C10orf90: variants seen among roughly 807,000 people sequenced by gnomAD.
The protein encoded by C10orf90 is chromosome 10 open reading frame 90.
C10orf90 carries 56 observed loss-of-function variants against 62.5 expected under a neutral mutation model. That is an observed-to-expected ratio of 0.90 (90% CI 0.72 to 1.12). The LOEUF (loss-of-function observed/expected upper bound fraction) is 1.12. C10orf90 is among the 50% of genes most tolerant of loss of function. The probability of loss-of-function intolerance (pLI) is 0.00; values close to 1 mark genes in which losing one functional copy is unlikely to be tolerated. For missense variants in C10orf90, 970 were observed against 880.4 expected, an observed-to-expected ratio of 1.10 and a Z score of -1.29; for synonymous variants, 386 against 340.4, an observed-to-expected ratio of 1.13 and a Z score of -1.47.
intron 2 of C10orf90, among the ~76,000 whole-genome samples, chr10:126,595,203 C>A (rs961316348): frequency 6.6e-6 from 1 of 152,050 alleles, no homozygotes; most frequent in East Asian, 1.9e-4. Context: ...TTGCAAGAAT[C>A]CAGAGTCTTT....
chr10:126,670,387 T>C lies in C10orf90; in HGVS notation c.94A>G (p.Thr32Ala), dbSNP rs1372415666. 2.2e-6 allele frequency: 1 copy of C among 456,724 alleles called. No individual in the cohort carries two copies. 28.3% of individuals were successfully genotyped at this position (456,724 alleles called of 1,614,324 possible). A position where few individuals can be genotyped will look rare whatever the true frequency, so the allele number is the denominator to read the frequency against. ...TGGTTTTTCAACTCTGTACTAAATGTTTTTATCTGGAAAGTCCGATGCACG... is the reference window on the plus strand; with the variant it reads ...TGGTTTTTCAACTCTGTACTAAATGCTTTTATCTGGAAAGTCCGATGCACG... ...TAVHRTFQIKTFSTELKNHVM... is the reference protein window; with the variant it reads ...TAVHRTFQIKAFSTELKNHVM... The change falls in exon 1 of 10, where the codon ACA (threonine) becomes GCA (alanine). Residue 32 changes from threonine (T) to alanine (A), a missense_variant. By Grantham distance (58) the Thr-to-Ala change is moderately conservative. Transcript: ENST00000488181.
intron 2 of C10orf90, among the ~76,000 whole-genome samples, chr10:126,600,165 G>A (rs1410393097): frequency 3.3e-5 from 5 of 151,860 alleles, no homozygotes; most frequent in East Asian, 1.9e-4. Flanking sequence ...TGTGCGTATC[G>A]CATGTGTGTG....
intron 2 of C10orf90, among the ~76,000 whole-genome samples, chr10:126,514,823 G>A (rs1047646087): frequency 2.6e-5 from 4 of 151,434 alleles, no homozygotes; most frequent in Admixed American, 6.6e-5. Flanking sequence ...TTGTCAGGTC[G>A]CTAATGTAGA....
chr10:126,496,199 T>C (rs551304920), intron 4 of C10orf90, among the ~76,000 whole-genome samples: 1 of 152,202 alleles, frequency 6.6e-6, no homozygotes, highest in South Asian at 2.1e-4. Flanking sequence ...CCATTAATAA[T>C]GACTCTCTCC....
At chr10:126,612,595 A>G (rs1208415165) in intron 2 of C10orf90, among the ~76,000 whole-genome samples, 1 of 152,156 alleles carries the variant, frequency 6.6e-6, no homozygotes, top group Non-Finnish European at 1.5e-5. Context: ...TGCCAGATAA[A>G]AGGGTGTCTT....
chr10:126,458,981 G>A, intron 7 of C10orf90, 59 bp downstream of exon 7: 2 of 1,541,316 alleles, frequency 1.3e-6, no homozygotes, highest in Non-Finnish European at 8.8e-7. Flanking sequence ...GAAGCCTCCA[G>A]CTCCAGGAAC....
intron 2 of C10orf90, among the ~76,000 whole-genome samples, chr10:126,550,245 C>A (rs192033962): frequency 3.1e-3 from 475 of 152,136 alleles, no homozygotes; most frequent in Non-Finnish European, 5.4e-3. Context: ...CATGAGCCAC[C>A]GCGCCTGGCT....
In C10orf90 at chr10:126,444,660, A is replaced by C. The variant is rs1590910520; in HGVS notation, c.2188+14380T>G. ...TACCACCATCATTCTTCACAGAATT[A>C]GAAAAAACAATTCTAAAATCCATGT... On this transcript the variant is annotated intron_variant, in intron 7 of 9. Coordinates refer to ENST00000488181, the MANE Select transcript of C10orf90 (RefSeq NM_001350921.2). Among the ~76,000 whole-genome samples, 3 of 152,290 alleles carry C rather than the reference A, an allele frequency of 2.0e-5. No individual in the cohort carries two copies. The South Asian group carries it at 6.2e-4, about 32-fold the overall frequency.
At chr10:126,482,821 G>A (rs2133808360) in intron 4 of C10orf90, among the ~76,000 whole-genome samples, 1 of 152,320 alleles carries the variant, frequency 6.6e-6, no homozygotes, top group Non-Finnish European at 1.5e-5. Flanking sequence ...TCTGAGGTTA[G>A]AAGAGGAGTG....
intron 2 of C10orf90, among the ~76,000 whole-genome samples, chr10:126,590,522 T>G (rs1191463649): frequency 1.3e-5 from 2 of 152,132 alleles, no homozygotes; most frequent in African/African-American, 2.4e-5. Flanking sequence ...TAGAACTTAA[T>G]ATTAAGAATC....
chr10:126,565,294 TTTATATTATATA>T (rs1844340485), intron 2 of C10orf90, among the ~76,000 whole-genome samples: 1 of 67,308 alleles, frequency 1.5e-5, no homozygotes, highest in Non-Finnish European at 2.5e-5. Flanking sequence ...ATATTATATA[TTTATATTATATA>T]TTATATTATA....
At chr10:126,499,886 A>G (rs1404706939) in intron 4 of C10orf90, among the ~76,000 whole-genome samples, 1 of 152,216 alleles carries the variant, frequency 6.6e-6, no homozygotes, top group African/African-American at 2.4e-5. Context: ...TGGATATCTC[A>G]GAAATGGTAA....
intron 2 of C10orf90, among the ~76,000 whole-genome samples, chr10:126,517,576 G>A (rs755466872): frequency 5.9e-5 from 9 of 152,076 alleles, no homozygotes; most frequent in Non-Finnish European, 8.8e-5. Context: ...CTCTGAGAAT[G>A]ACCCTCCACG....
In C10orf90 at chr10:126,464,846, A is replaced by T. The variant is rs1860189267; in HGVS notation, c.1675T>A (p.Ser559Thr). ...GDSSPSDDCL[S>T]RDLSEPTERR... The stretch of plus-strand genomic sequence containing the variant: ...TCTGTGGGCTCAGAAAGGTCTCTAG[A>T]CAGACAGTCATCGCTTGGAGAGCTA... The change falls in exon 5 of 10, where the codon TCT becomes ACT. Residue 559 changes from serine (S) to threonine (T), a missense_variant. Transcript: ENST00000488181. 1 of 1,614,036 alleles carries T rather than the reference A, an allele frequency of 6.2e-7. No homozygotes were observed. The highest frequency in any genetic ancestry group is 1.3e-5 in the African/African-American group (1 of 74,912).
intron 2 of C10orf90, among the ~76,000 whole-genome samples, chr10:126,612,001 T>A (rs1242141365): frequency 6.6e-6 from 1 of 152,156 alleles, no homozygotes; most frequent in Non-Finnish European, 1.5e-5. Flanking sequence ...CATTCAGTGG[T>A]TCAATCACAT....
At chr10:126,660,076 CCA>C (rs1316173021) in intron 1 of C10orf90, among the ~76,000 whole-genome samples, 1 of 152,170 alleles carries the variant, frequency 6.6e-6, no homozygotes, top group Non-Finnish European at 1.5e-5. Flanking sequence ...TTCCTTTACT[CCA>C]CAGATGCAAA....
intron 2 of C10orf90, among the ~76,000 whole-genome samples, chr10:126,582,272 T>C (rs1844768739): frequency 1.3e-5 from 2 of 152,216 alleles, no homozygotes; most frequent in Admixed American, 1.3e-4. Flanking sequence ...CTTTAAAGAA[T>C]AGGACTGCAT....
At chr10:126,425,944 C>T (rs1309664252) in intron 9 of C10orf90, 42 bp from the exon 10 acceptor site, 1 of 1,613,712 alleles carries the variant, frequency 6.2e-7, no homozygotes, top group Non-Finnish European at 8.5e-7. Flanking sequence ...TGAGATTCGG[C>T]ATCTGTGCAC....
chr10:126,503,876 T>C, intron 4 of C10orf90, 81 bp downstream of exon 4: 2 of 1,498,234 alleles, frequency 1.3e-6, no homozygotes, highest in East Asian at 2.3e-5. Flanking sequence ...AGAATAAGTT[T>C]TGTATAAGAA....
Sources: gnomAD v4.1 joint callset for allele counts (sites outside exome capture counted in the v4.1 genomes callset) on GRCh38, gnomAD v4.1.1 for gene constraint, MANE v1.5 for transcripts, NCBI Gene and HGNC (gene_info 2026-07-23, HGNC 2026-07-21) for gene names.